The following EXOC6B variants were observed in gnomAD, a reference collection of about 807,000 sequenced individuals.
EXOC6B encodes exocyst complex component 6B, also known as SEC15 homolog B.
Under a neutral mutation model 113.5 loss-of-function variants are expected in EXOC6B, and 54 were observed. The observed-to-expected ratio is 0.48, with a 90% confidence interval of 0.38 to 0.60. The LOEUF is 0.60. Among genes scored for constraint, EXOC6B ranks in the 20% least tolerant of loss-of-function variants. The pLI, the probability that EXOC6B is intolerant of heterozygous loss-of-function variation, is 0.00. For synonymous variants in EXOC6B, 357 were observed against 339.0 expected (o/e 1.05, Z -0.58); for missense variants, 797 against 977.5 (o/e 0.82, Z 2.46).
At chr2:72,780,210 A>T (rs1056696975) in intron 1 of EXOC6B, among the ~76,000 whole-genome samples, 2 of 152,228 alleles carry the variant, frequency 1.3e-5, no homozygotes, top group Non-Finnish European at 2.9e-5. Flanking sequence ...TATTATTAAC[A>T]TATAAACTCC....
At chr2:72,746,891 G>C (rs1341303424) in intron 1 of EXOC6B, among the ~76,000 whole-genome samples, 1 of 152,028 alleles carries the variant, frequency 6.6e-6, no homozygotes, top group African/African-American at 2.4e-5. Context: ...ACAGGTCTTA[G>C]AGATGGAAGA....
At chr2:72,761,339 G>A (rs1202224078) in intron 1 of EXOC6B, among the ~76,000 whole-genome samples, 1 of 152,140 alleles carries the variant, frequency 6.6e-6, no homozygotes, top group Non-Finnish European at 1.5e-5. Flanking sequence ...ACTCAACAAA[G>A]TGATGATCTA....
chr2:72,353,349 GTTGTA>G (rs371125530), intron 19 of EXOC6B, among the ~76,000 whole-genome samples: 6 of 142,360 alleles, frequency 4.2e-5, no homozygotes, highest in South Asian at 4.2e-4. Flanking sequence ...TTTATATTTT[GTTGTA>G]TTGTATTGTA....
intron 6 of EXOC6B, among the ~76,000 whole-genome samples, chr2:72,631,518 A>G (rs1378009477): frequency 9.3e-6 from 1 of 107,924 alleles, no homozygotes; most frequent in Non-Finnish European, 1.9e-5. Context: ...AGAGAGAGAG[A>G]GAGAAAGACA....
chr2:72,253,356 A>G (rs1683143415), intron 20 of EXOC6B, among the ~76,000 whole-genome samples: 1 of 152,224 alleles, frequency 6.6e-6, no homozygotes. Flanking sequence ...TATATACTCA[A>G]AGGAATGAAA....
chr2:72,326,135 G>A (rs754680356), intron 20 of EXOC6B, among the ~76,000 whole-genome samples: 46 of 152,020 alleles, frequency 3.0e-4, no homozygotes, highest in Non-Finnish European at 6.5e-4. Flanking sequence ...TGCAGTTAAC[G>A]AAGATGAGAT....
At chr2:72,750,528 C>T (rs1044750156) in intron 1 of EXOC6B, among the ~76,000 whole-genome samples, 93 of 151,930 alleles carry the variant, frequency 6.1e-4, no homozygotes, top group African/African-American at 2.2e-3. Flanking sequence ...ATGAATGAAG[C>T]GAAGATACCC....
chr2:72,819,242 G>T (rs1355643951), intron 1 of EXOC6B, among the ~76,000 whole-genome samples: 4 of 151,978 alleles, frequency 2.6e-5, no homozygotes, highest in Admixed American at 2.0e-4. Flanking sequence ...ATAATAACAT[G>T]CATATAAAAA....
chr2:72,216,155 T>C lies in EXOC6B; in HGVS notation c.2197-31968A>G, dbSNP rs188786087. ...AAGCTAGCAAGCAATGAATAATCAATGCCAACACTAAACTTCTGGGGTAGA... is the reference window on the plus strand; with the variant it reads ...AAGCTAGCAAGCAATGAATAATCAACGCCAACACTAAACTTCTGGGGTAGA... On this transcript the variant is annotated intron_variant, in intron 20 of 21. Transcript: ENST00000272427. Among the ~76,000 whole-genome samples the C allele has an allele frequency of 6.6e-5, 10 of 151,092 alleles. No individual in the cohort carries two copies. In the East Asian group the frequency reaches 2.0e-3, roughly 30 times the overall value.
chr2:72,320,768 G>A (rs2104827394), intron 20 of EXOC6B, among the ~76,000 whole-genome samples: 1 of 152,166 alleles, frequency 6.6e-6, no homozygotes, highest in Middle Eastern at 3.4e-3. Flanking sequence ...TAAGCTTTTT[G>A]AAAGATACTG....
chr2:72,607,314 T>G (rs180765703), intron 6 of EXOC6B, among the ~76,000 whole-genome samples: 11 of 152,222 alleles, frequency 7.2e-5, no homozygotes, highest in Admixed American at 7.2e-4. Flanking sequence ...TCGTGCACTC[T>G]CTTCTGCCTT....
chr2:72,409,878 T>C (rs1438123200), intron 18 of EXOC6B, among the ~76,000 whole-genome samples: 1 of 151,834 alleles, frequency 6.6e-6, no homozygotes, highest in Non-Finnish European at 1.5e-5. Flanking sequence ...AAAATATATA[T>C]ATATGTATAC....
intron 20 of EXOC6B, among the ~76,000 whole-genome samples, chr2:72,255,163 A>T (rs1050547715): frequency 2.0e-5 from 3 of 152,206 alleles, no homozygotes; most frequent in African/African-American, 7.2e-5. Context: ...GTTATCCGGT[A>T]AAGATCAATG....
At chr2:72,401,579 A>G (rs1303670726) in intron 18 of EXOC6B, among the ~76,000 whole-genome samples, 1 of 24,622 alleles carries the variant, frequency 4.1e-5, no homozygotes, top group East Asian at 7.7e-4. Flanking sequence ...ATATATATAT[A>G]TACATATATA....
chr2:72,621,943 T>C (rs1373807171), intron 6 of EXOC6B, among the ~76,000 whole-genome samples: 1 of 152,068 alleles, frequency 6.6e-6, no homozygotes, highest in Non-Finnish European at 1.5e-5. Context: ...AAATGAGGTA[T>C]TACTTGTCAA....
chr2:72,232,891 G>A (rs964721829), intron 20 of EXOC6B, among the ~76,000 whole-genome samples: 17 of 151,974 alleles, frequency 1.1e-4, no homozygotes, highest in African/African-American at 3.9e-4. Flanking sequence ...GTGCAACATG[G>A]TGAAATTCCG....
At chr2:72,503,062 T>C (rs182357807) in intron 11 of EXOC6B, among the ~76,000 whole-genome samples, 1 of 152,276 alleles carries the variant, frequency 6.6e-6, no homozygotes, top group Admixed American at 6.5e-5. Flanking sequence ...CTTCCATCAT[T>C]TTTCCCCTGT....
intron 15 of EXOC6B, among the ~76,000 whole-genome samples, chr2:72,494,688 T>A (rs1181655034): frequency 3.3e-5 from 5 of 152,120 alleles, no homozygotes; most frequent in African/African-American, 9.7e-5. Context: ...AACACAAACA[T>A]CCTCATTTGT....
intron 16 of EXOC6B, among the ~76,000 whole-genome samples, chr2:72,488,594 T>C (rs903085481): frequency 1.3e-5 from 2 of 152,210 alleles, no homozygotes; most frequent in Non-Finnish European, 2.9e-5. Flanking sequence ...TCATGGTATA[T>C]ACAGCCTTCT....
Sources: allele counts gnomAD v4.1 joint callset (sites outside exome capture counted in the v4.1 genomes callset), GRCh38; gene constraint gnomAD v4.1.1; transcripts MANE v1.5; gene names NCBI Gene and HGNC (gene_info 2026-07-23, HGNC 2026-07-21).